VWA3B: variants seen among roughly 807,000 people sequenced by gnomAD.
VWA3B encodes von Willebrand factor A domain-containing protein 3B.
Under a neutral mutation model 158.3 loss-of-function variants are expected in VWA3B, and 138 were observed. The observed-to-expected ratio is 0.87, with a 90% confidence interval of 0.76 to 1.00. The LOEUF (loss-of-function observed/expected upper bound fraction) is 1.00, where lower values mean the gene tolerates loss of function less well. Among genes scored for constraint, VWA3B ranks in the 50% least tolerant of loss-of-function variants. VWA3B has a pLI of 0.00. For missense variants in VWA3B, 1,555 were observed against 1,565.1 expected, an observed-to-expected ratio of 0.99 and a Z score of 0.11; for synonymous variants, 596 against 587.3, an observed-to-expected ratio of 1.01 and a Z score of -0.21.
chr2:98,112,153 A>G (rs1004676476), intron 2 of VWA3B, among the ~76,000 whole-genome samples: 1 of 152,146 alleles, frequency 6.6e-6, no homozygotes, highest in Non-Finnish European at 1.5e-5. Context: ...TTTCAGAGTC[A>G]TTTATTGAAT....
At chr2:98,133,536 T>G in intron 6 of VWA3B, 1 of 375,724 alleles carries the variant, frequency 2.7e-6, no homozygotes, top group Non-Finnish European at 4.9e-6. Flanking sequence ...AAGCATAGAG[T>G]GTCATTTTCC....
At chr2:98,094,064 G>T (rs1208975407) in intron 2 of VWA3B, among the ~76,000 whole-genome samples, 1 of 152,014 alleles carries the variant, frequency 6.6e-6, no homozygotes, top group Non-Finnish European at 1.5e-5. Flanking sequence ...AGTTGATTTC[G>T]TTATCTTGGC....
the VWA3B span, among the ~76,000 whole-genome samples, chr2:98,328,762 C>A: frequency 6.6e-6 from 1 of 152,084 alleles, no homozygotes; most frequent in Non-Finnish European, 1.5e-5. Flanking sequence ...AATTCTCCCC[C>A]AAACCTCTAT....
intron 21 of VWA3B, among the ~76,000 whole-genome samples, chr2:98,267,597 A>G (rs1687924561): frequency 6.6e-6 from 1 of 152,120 alleles, no homozygotes. Flanking sequence ...GGAAAGATCC[A>G]AAATTGACAC....
At chr2:98,212,231 G>C (rs1413496692) in intron 13 of VWA3B, 1 of 498,038 alleles carries the variant, frequency 2.0e-6, no homozygotes, top group Non-Finnish European at 3.6e-6. Flanking sequence ...TTATGAGACA[G>C]TGAATGTTGC....
chr2:98,106,167 G>A (rs1022327373), intron 2 of VWA3B, among the ~76,000 whole-genome samples: 9 of 152,058 alleles, frequency 5.9e-5, no homozygotes, highest in East Asian at 1.9e-4. Context: ...CGCCCACCTC[G>A]GCCTCCCAAA....
rs1319938024 is a variant in VWA3B at position 98,266,526 on chromosome 2, C to T, written c.2844-4156C>T. 3.4e-5 allele frequency among the ~76,000 whole-genome samples: 5 copies of T among 148,412 alleles called. No homozygotes were observed. In the South Asian group the frequency reaches 6.5e-4, roughly 19 times the overall value. On this transcript the variant is annotated intron_variant, in intron 21 of 27. Transcript: ENST00000477737. ...TTGGCTTAGGATTGACTTGGCGATG[C>T]GGGCTCTTTTTTGGTTCCATATGAA... is the stretch of plus-strand genomic sequence containing the variant.
chr2:98,309,519 A>G (rs1425154638), intron 26 of VWA3B, among the ~76,000 whole-genome samples: 1 of 152,130 alleles, frequency 6.6e-6, no homozygotes, highest in African/African-American at 2.4e-5. Context: ...TTAGCCTCTC[A>G]TTATCTGTCT....
intron 7 of VWA3B, among the ~76,000 whole-genome samples, chr2:98,142,147 T>G (rs1475031240): frequency 6.6e-6 from 1 of 152,146 alleles, no homozygotes; most frequent in Non-Finnish European, 1.5e-5. Context: ...TCGTTGGATA[T>G]CTGTTCTGGA....
At chr2:98,255,705 A>G (rs1016849907) in intron 20 of VWA3B, among the ~76,000 whole-genome samples, 28 of 152,096 alleles carry the variant, frequency 1.8e-4, no homozygotes, top group Non-Finnish European at 3.2e-4. Context: ...TCCCAATCCT[A>G]TTATTTATGA....
chr2:98,246,433 A>G (rs1003735458), intron 19 of VWA3B, among the ~76,000 whole-genome samples: 6 of 151,982 alleles, frequency 3.9e-5, no homozygotes, highest in Non-Finnish European at 8.8e-5. Context: ...GCTGGAGTGC[A>G]GTGGTGCAAT....
In VWA3B at chr2:98,092,181, A is replaced by G. The variant is rs577462441; in HGVS notation, c.-32-880A>G. ...AACCGCCACCAGCTCCCAATTAGCC[A>G]CTACACCTGTTCGACAGGTAAAAAC... On this transcript the variant is annotated intron_variant, in intron 1 of 27. Coordinates refer to ENST00000477737, the MANE Select transcript of VWA3B (RefSeq NM_144992.5). 3.3e-5 allele frequency among the ~76,000 whole-genome samples: 5 copies of G among 152,336 alleles called. No homozygotes were observed. In the East Asian group the frequency reaches 9.6e-4, roughly 29 times the overall value.
intron 22 of VWA3B, among the ~76,000 whole-genome samples, chr2:98,272,704 C>G (rs1162797461): frequency 6.6e-6 from 1 of 152,030 alleles, no homozygotes; most frequent in Non-Finnish European, 1.5e-5. Flanking sequence ...GAGTTATGAG[C>G]CAGGAATCAT....
At chr2:98,206,785 G>T (rs1272233394) in intron 12 of VWA3B, 2 of 366,450 alleles carry the variant, frequency 5.5e-6, no homozygotes, top group Non-Finnish European at 1.1e-5. Context: ...TGACAAGATT[G>T]TACCCATCAT....
the VWA3B span, among the ~76,000 whole-genome samples, chr2:98,327,989 C>T: frequency 6.6e-6 from 1 of 152,180 alleles, no homozygotes; most frequent in Non-Finnish European, 1.5e-5. Flanking sequence ...CACTATGCTA[C>T]TGAGCAACAT....
intron 8 of VWA3B, among the ~76,000 whole-genome samples, chr2:98,180,035 C>T (rs932692116): frequency 3.4e-5 from 5 of 147,940 alleles, no homozygotes; most frequent in Non-Finnish European, 7.4e-5. Context: ...TTTCTTCTCT[C>T]TCTCCTTCCT....
At position 98,211,929 on chromosome 2, in the gene VWA3B, G is replaced by A. The variant is rs1683557523; in HGVS notation, c.1738-1G>A. ...GTCCTTGGTGTCTCTTTTTTCCGTA[G>A]ATTGGAAGCTCCACAAACACCCTGA... On this transcript the variant is annotated splice_acceptor_variant, in intron 12 of 27. Transcript: ENST00000477737. LOFTEE classifies it high-confidence loss of function. The A allele has an allele frequency of 1.2e-6, 2 of 1,612,492 alleles. No individual in the cohort carries two copies. Among genetic ancestry groups the A allele is most frequent in the African/African-American group, 2.7e-5 (2 of 74,672 alleles).
At chr2:98,162,615 A>G (rs1309847651) in intron 7 of VWA3B, among the ~76,000 whole-genome samples, 1 of 152,196 alleles carries the variant, frequency 6.6e-6, no homozygotes, top group Non-Finnish European at 1.5e-5. Flanking sequence ...TGCTACAAAC[A>G]TTTACTTTAG....
chr2:98,251,238 C>A (rs914383183), intron 20 of VWA3B, among the ~76,000 whole-genome samples: 8 of 152,172 alleles, frequency 5.3e-5, no homozygotes, highest in African/African-American at 1.7e-4. Context: ...TTTCCAATAT[C>A]CATAAAAATC....
Sources: gnomAD v4.1 joint callset for allele counts (sites outside exome capture counted in the v4.1 genomes callset) on GRCh38, gnomAD v4.1.1 for gene constraint, MANE v1.5 for transcripts, NCBI Gene and HGNC (gene_info 2026-07-23, HGNC 2026-07-21) for gene names.